Variants in ACTN1 observed in about 807,000 individuals in gnomAD.
The protein encoded by ACTN1 is alpha-actinin-1.
ACTN1 carries 30 observed loss-of-function variants against 119.6 expected under a neutral mutation model. The observed-to-expected ratio is 0.25, with a 90% CI of 0.19 to 0.34. ACTN1 has a LOEUF of 0.34. Ranked by LOEUF, ACTN1 falls within the 10% of genes least tolerant of loss-of-function variation. ACTN1 has a pLI of 1.00. For missense variants in ACTN1, 764 were observed against 1,223.4 expected, an observed-to-expected ratio of 0.62 and a Z score of 5.60; for synonymous variants, 429 against 472.6, an observed-to-expected ratio of 0.91 and a Z score of 1.20.
At chr14:68,884,922 T>A (rs779920163) in intron 12 of ACTN1, 39 bp from the exon 13 acceptor site, 1 of 1,530,096 alleles carries the variant, frequency 6.5e-7, no homozygotes, top group Non-Finnish European at 9.1e-7. Context: ...GGGACCCAGG[T>A]TAATTTCATG....
intron 1 of ACTN1, among the ~76,000 whole-genome samples, chr14:68,944,893 C>T (rs1484280166): frequency 6.8e-6 from 1 of 147,188 alleles, no homozygotes; most frequent in Non-Finnish European, 1.5e-5. Context: ...TCACCCTATG[C>T]GTGTGTGGGT....
chr14:68,892,017 C>A (rs181487), intron 10 of ACTN1, 36 bp downstream of exon 10: 1 of 1,607,674 alleles, frequency 6.2e-7, no homozygotes, highest in Non-Finnish European at 8.5e-7. Context: ...TGGAGGCAGT[C>A]CAGTCTGGGG....
chr14:68,892,664 G>T (rs2032583521), intron 9 of ACTN1, among the ~76,000 whole-genome samples: 1 of 152,154 alleles, frequency 6.6e-6, no homozygotes, highest in Non-Finnish European at 1.5e-5. Context: ...CCATGGAGGG[G>T]GTTAACAGCT....
chr14:68,962,230 G>A (rs1051676372), intron 1 of ACTN1, among the ~76,000 whole-genome samples: 6 of 152,172 alleles, frequency 3.9e-5, no homozygotes, highest in Admixed American at 6.5e-5. Flanking sequence ...GGTGGTCTGA[G>A]GAGGGGGTAG....
At chr14:68,966,399 C>T (rs190821406) in intron 1 of ACTN1, among the ~76,000 whole-genome samples, 1 of 152,206 alleles carries the variant, frequency 6.6e-6, no homozygotes, top group Non-Finnish European at 1.5e-5. Context: ...TCCAATTTCT[C>T]GGTTTATAGG....
At position 68,921,094 on chromosome 14, in the gene ACTN1, C is replaced by T. The variant is rs749632234; in HGVS notation, c.252G>A (p.Lys84=). The part of the protein sequence containing the change: ...GERLAKPERG[K]MRVHKISNVN... Reference sequence around the variant, plus strand: ...CGTTGGAGATCTTGTGCACTCTCATCTTGCCTCGCTCTGGCTTGGCCAAGC... The same window carrying T: ...CGTTGGAGATCTTGTGCACTCTCATTTTGCCTCGCTCTGGCTTGGCCAAGC... The change falls in exon 3 of 22, where the codon AAG becomes AAA. Residue 84 remains lysine (K), a synonymous_variant. Coordinates refer to ENST00000394419, the MANE Select transcript of ACTN1 (RefSeq NM_001130004.2). The T allele has an allele frequency of 1.2e-6, 2 of 1,614,190 alleles. No individual in the cohort carries two copies. The highest frequency in any genetic ancestry group is 1.7e-6 in the Non-Finnish European group (2 of 1,180,010).
rs2034871778 is a variant in ACTN1 at position 68,925,382 on chromosome 14, G to A, written c.220+176C>T. Among the ~76,000 whole-genome samples, 1 of 147,250 alleles carries A rather than the reference G, an allele frequency of 6.8e-6. No individual in the cohort carries two copies. Among genetic ancestry groups the A allele is most frequent in the South Asian group, 2.2e-4 (1 of 4,586 alleles). ...GCTGAAACAAATGTCCAAGGCACCTGGATGGCTGGCAGCAGAACCAGAACT... is the reference window on the plus strand; with the variant it reads ...GCTGAAACAAATGTCCAAGGCACCTAGATGGCTGGCAGCAGAACCAGAACT... On this transcript the variant is annotated intron_variant, in intron 2 of 21. Coordinates refer to ENST00000394419, the MANE Select transcript of ACTN1 (RefSeq NM_001130004.2). This position sits in a 1 kb window ranked among gnomAD's most constrained non-coding sequence, Gnocchi z 4.3.
At chr14:68,936,835 G>A in intron 1 of ACTN1, 1 of 595,456 alleles carries the variant, frequency 1.7e-6, no homozygotes, top group Non-Finnish European at 3.3e-6. Flanking sequence ...TGCTTCTGAT[G>A]CCTTTAAGAG....
chr14:68,945,163 CAAAAAAAAA>C (rs11408138), intron 1 of ACTN1, among the ~76,000 whole-genome samples: 1 of 120,102 alleles, frequency 8.3e-6, no homozygotes, highest in Non-Finnish European at 1.7e-5. Flanking sequence ...GACTCCGGTT[CAAAAAAAAA>C]AAAAAGAAAG....
At chr14:68,973,685 C>T (rs2036968325) in intron 1 of ACTN1, 1 of 152,250 alleles carries the variant, frequency 6.6e-6, no homozygotes, top group Non-Finnish European at 1.5e-5. Flanking sequence ...TGCTGTGTCT[C>T]CTGTCCCTAC....
chr14:68,951,636 C>G (rs1233472007), intron 1 of ACTN1, among the ~76,000 whole-genome samples: 1 of 152,182 alleles, frequency 6.6e-6, no homozygotes, highest in Non-Finnish European at 1.5e-5. Flanking sequence ...CCCCTTTCAG[C>G]TCTGAAACTC....
chr14:68,874,786 G>A lies in ACTN1; in HGVS notation c.*73C>T, dbSNP rs760633640. The A allele has an allele frequency of 2.8e-6, 4 of 1,409,090 alleles. No homozygotes were observed. The highest frequency in any genetic ancestry group is 3.7e-6 in the Non-Finnish European group (4 of 1,072,702). The allele number at this position is 1,409,090 out of a possible 1,614,324, so 87.3% of individuals were successfully genotyped here. A position where few individuals can be genotyped will look rare whatever the true frequency, so the allele number is the denominator to read the frequency against. ...GGCTGGGAGCTGAAACCGAACCCAG[G>A]CAGGAGATGGGCGACGGCGGAGGTG... On this transcript the variant is annotated 3_prime_UTR_variant, in exon 22 of 22. Transcript: ENST00000394419.
In ACTN1 at chr14:68,888,084, T is replaced by A. The variant is rs1432280562; in HGVS notation, c.1234+2055A>T. On this transcript the variant is annotated intron_variant, in intron 11 of 21. Transcript: ENST00000394419. ...GCAGAGCTGACCTTCCCCTTGGGCA[T>A]CCTGGCGGCAGGGAGGGCGCGTGCC... 8 of 689,120 alleles carry A rather than the reference T, an allele frequency of 1.2e-5. No individual in the cohort carries two copies. In the East Asian group the frequency reaches 2.2e-4, roughly 19 times the overall value. The allele number at this position is 689,120 out of a possible 1,614,324, so 42.7% of individuals were successfully genotyped here. A position where few individuals can be genotyped will look rare whatever the true frequency, so the allele number is the denominator to read the frequency against.
intron 3 of ACTN1, among the ~76,000 whole-genome samples, chr14:68,913,752 A>G (rs1293986783): frequency 6.6e-6 from 1 of 152,198 alleles, no homozygotes; most frequent in Non-Finnish European, 1.5e-5. Context: ...TAAACAGGGA[A>G]GTAAAAATGC....
chr14:68,917,994 G>C (rs1210727909), intron 3 of ACTN1, among the ~76,000 whole-genome samples: 2 of 152,216 alleles, frequency 1.3e-5, no homozygotes, highest in South Asian at 2.1e-4. Flanking sequence ...ACTTGAGCCT[G>C]GGAGGTGGAG....
intron 10 of ACTN1, among the ~76,000 whole-genome samples, chr14:68,891,716 G>A (rs994185611): frequency 3.9e-5 from 6 of 152,078 alleles, no homozygotes; most frequent in South Asian, 2.1e-4. Flanking sequence ...ACTTGACTGC[G>A]ATTCAATTAT....
rs141940950 is a variant in ACTN1 at position 68,950,455 on chromosome 14, C to CATGTGTGTGTGTGTATATAT, written c.106-24784_106-24783insATATATACACACACACACAT. Among the ~76,000 whole-genome samples, 3 of 137,696 alleles carry CATGTGTGTGTGTGTATATAT rather than the reference C, an allele frequency of 2.2e-5. 1 individual carries two copies. The highest frequency in any genetic ancestry group is 9.6e-5 in the African/African-American group (3 of 31,392). 90.3% of individuals were successfully genotyped at this position (137,696 alleles called of 152,430 possible). A position where few individuals can be genotyped will look rare whatever the true frequency, so the allele number is the denominator to read the frequency against. On this transcript the variant is annotated intron_variant, in intron 1 of 21. Transcript: ENST00000394419. ...TGTATCTTTTACCATAATATATATG[C>CATGTGTGTGTGTGTATATAT]GTGTGTGTATATATATATATATAAA...
At chr14:68,957,305 C>G (rs2268973) in intron 1 of ACTN1, among the ~76,000 whole-genome samples, 1 of 152,026 alleles carries the variant, frequency 6.6e-6, no homozygotes, top group Non-Finnish European at 1.5e-5. Context: ...CCTCTTCCCC[C>G]AAGAGACACC....
intron 8 of ACTN1, among the ~76,000 whole-genome samples, chr14:68,895,620 G>A (rs1276163115): frequency 1.3e-5 from 2 of 152,164 alleles, no homozygotes; most frequent in South Asian, 2.1e-4. Flanking sequence ...CCAGAGATGT[G>A]CCACTCAAAC....
Sources: gnomAD v4.1 joint callset for allele counts (sites outside exome capture counted in the v4.1 genomes callset) on GRCh38, gnomAD v4.1.1 for gene constraint, Gnocchi (gnomAD v3.1) non-coding constraint, MANE v1.5 for transcripts, NCBI Gene and HGNC (gene_info 2026-07-23, HGNC 2026-07-21) for gene names.